PIK3C2A: variants seen among roughly 807,000 people sequenced by gnomAD.
PIK3C2A encodes phosphatidylinositol 4-phosphate 3-kinase C2 domain-containing subunit alpha.
PIK3C2A carries 97 observed loss-of-function variants against 204.5 expected under a neutral mutation model. The ratio of observed to expected loss-of-function variants is 0.47; its 90% CI spans 0.40 to 0.56. The LOEUF is 0.56. Among genes scored for constraint, PIK3C2A ranks in the 20% least tolerant of loss-of-function variants. The pLI, the probability that PIK3C2A is intolerant of heterozygous loss-of-function variation, is 0.00. For missense variants in PIK3C2A, 1,735 were observed against 1,969.2 expected (o/e 0.88, Z 2.25); for synonymous variants, 653 against 664.4 (o/e 0.98, Z 0.26).
chr11:17,133,385 C>T (rs768766991), intron 11 of PIK3C2A, among the ~76,000 whole-genome samples: 1 of 151,884 alleles, frequency 6.6e-6, no homozygotes, highest in African/African-American at 2.4e-5. Flanking sequence ...GGTTTTTTGC[C>T]GCCTTGTACT....
At position 17,145,747 on chromosome 11, in the gene PIK3C2A, G is replaced by A. The variant is rs1224174007; in HGVS notation, c.1641-16C>T. 15 of 1,592,184 alleles carry A rather than the reference G, an allele frequency of 9.4e-6. No homozygotes were observed. The highest frequency in any genetic ancestry group is 3.3e-5 in the Admixed American group (2 of 59,836). On this transcript the variant is annotated splice_polypyrimidine_tract_variant and intron_variant, in intron 7 of 32. Coordinates refer to ENST00000691414, the MANE Select transcript of PIK3C2A (RefSeq NM_002645.4). ...AACAGGGTGTCTGAAAGAAACAACA[G>A]TTATTGTGGCTGAAGGATGCTACAC...
intron 2 of PIK3C2A, among the ~76,000 whole-genome samples, chr11:17,156,838 A>G (rs1446013470): frequency 1.3e-5 from 2 of 152,304 alleles, no homozygotes; most frequent in East Asian, 3.9e-4. Context: ...GAGTTAAGGT[A>G]GACTACTGAA....
In PIK3C2A at chr11:17,197,480, T is replaced by C. The variant is rs369211500; in HGVS notation, c.-66+10368A>G. ...AGTAGTCATTATTCCTGAAGACTAGTAGTCTTCAGCCCTTAGGAGCAACAT... is the reference window on the plus strand; with the variant it reads ...AGTAGTCATTATTCCTGAAGACTAGCAGTCTTCAGCCCTTAGGAGCAACAT... On this transcript the variant is annotated intron_variant, in intron 1 of 32. Transcript: ENST00000691414. Among the ~76,000 whole-genome samples the C allele has an allele frequency of 3.4e-4, 52 of 152,294 alleles. 1 individual carries two copies. In the South Asian group the frequency reaches 0.01, roughly 30 times the overall value.
chr11:17,118,739 C>T lies in PIK3C2A; in HGVS notation c.2941G>A (p.Ala981Thr). The T allele has an allele frequency of 2.1e-6, 3 of 1,458,346 alleles. No individual in the cohort carries two copies. The highest frequency in any genetic ancestry group is 2.9e-6 in the Non-Finnish European group (3 of 1,044,674). 90.3% of individuals were successfully genotyped at this position (1,458,346 alleles called of 1,614,324 possible). A position where few individuals can be genotyped will look rare whatever the true frequency, so the allele number is the denominator to read the frequency against. ...LTDLLPQFVQ[A>T]LKYEIYLNSS... ...TTCAAGTAAATTTCATATTTCAAAG[C>T]CTACAGTAAAAGAAAATAAGAATTA... The change falls in exon 18 of 33, where the codon GCT (alanine) becomes ACT (threonine). Residue 981 changes from alanine to threonine, a missense_variant and splice_region_variant. By Grantham distance (58) the Ala-to-Thr change is moderately conservative. Coordinates refer to ENST00000691414, the MANE Select transcript of PIK3C2A (RefSeq NM_002645.4).
At chr11:17,137,327 T>C (rs1022050993) in intron 8 of PIK3C2A, among the ~76,000 whole-genome samples, 2 of 152,160 alleles carry the variant, frequency 1.3e-5, no homozygotes, top group African/African-American at 4.8e-5. Context: ...CTTATTTGAC[T>C]TATACTTCCT....
chr11:17,149,323 T>C (rs1338233328), intron 4 of PIK3C2A, among the ~76,000 whole-genome samples: 4 of 152,154 alleles, frequency 2.6e-5, no homozygotes, highest in Non-Finnish European at 5.9e-5. Context: ...ATACCTACTA[T>C]GTACCCATAC....
At chr11:17,184,503 T>C (rs1851686605) in intron 1 of PIK3C2A, among the ~76,000 whole-genome samples, 1 of 152,124 alleles carries the variant, frequency 6.6e-6, no homozygotes, top group Non-Finnish European at 1.5e-5. Context: ...TAGCCGCTTG[T>C]AGAATAAGGA....
intron 1 of PIK3C2A, among the ~76,000 whole-genome samples, chr11:17,199,909 A>C (rs1399889956): frequency 1.3e-5 from 2 of 151,544 alleles, no homozygotes; most frequent in Non-Finnish European, 1.5e-5. Context: ...ATCTCAAAAA[A>C]AAAAAAAAAA....
intron 3 of PIK3C2A, 122 bp from the exon 4 acceptor site, chr11:17,150,777 A>C: frequency 1.9e-5 from 10 of 522,314 alleles, no homozygotes; most frequent in Non-Finnish European, 2.8e-5. Flanking sequence ...CAAGCAGCTC[A>C]TGAAACTGCA....
chr11:17,094,698 G>A (rs888611043), intron 27 of PIK3C2A, among the ~76,000 whole-genome samples: 1 of 152,100 alleles, frequency 6.6e-6, no homozygotes, highest in Non-Finnish European at 1.5e-5. Flanking sequence ...TCCAGCCTGG[G>A]CAACAGAGCG....
chr11:17,177,315 T>C (rs1009159353), intron 1 of PIK3C2A, among the ~76,000 whole-genome samples: 1 of 152,220 alleles, frequency 6.6e-6, no homozygotes, highest in Non-Finnish European at 1.5e-5. Flanking sequence ...AAATTTGTAA[T>C]TTCACTGAGG....
chr11:17,176,711 A>T (rs562281967), intron 1 of PIK3C2A, among the ~76,000 whole-genome samples: 1 of 152,168 alleles, frequency 6.6e-6, no homozygotes, highest in East Asian at 1.9e-4. Flanking sequence ...ACTTGAGCCC[A>T]GGTGTTCAAG....
At position 17,124,073 on chromosome 11, in the gene PIK3C2A, C is replaced by T. The variant is rs142948632; in HGVS notation, c.2400-1260G>A. ...TATATGGGGATGGGCCTCACTCTGT[C>T]GCCCTGGTTGGAATGCGCGGTGTGA... is the stretch of plus-strand genomic sequence containing the variant. On this transcript the variant is annotated intron_variant, in intron 13 of 32. Coordinates refer to ENST00000691414, the MANE Select transcript of PIK3C2A (RefSeq NM_002645.4). Among the ~76,000 whole-genome samples, 142 of 152,074 alleles carry T rather than the reference C, an allele frequency of 9.3e-4. 2 individuals carry two copies. In the East Asian group the frequency reaches 0.022, roughly 24 times the overall value.
chr11:17,184,282 A>C (rs1851677986), intron 1 of PIK3C2A, among the ~76,000 whole-genome samples: 1 of 151,746 alleles, frequency 6.6e-6, no homozygotes, highest in Non-Finnish European at 1.5e-5. Flanking sequence ...GAGGTATTTC[A>C]GAAGACGGCA....
At chr11:17,178,028 T>C (rs1383476319) in intron 1 of PIK3C2A, among the ~76,000 whole-genome samples, 1 of 143,432 alleles carries the variant, frequency 7.0e-6, no homozygotes, top group South Asian at 2.2e-4. Flanking sequence ...TGGAGGTGTA[T>C]GTTGCAGTGA....
chr11:17,141,046 AG>A (rs913046897), intron 8 of PIK3C2A, among the ~76,000 whole-genome samples: 4 of 152,156 alleles, frequency 2.6e-5, no homozygotes, highest in Non-Finnish European at 5.9e-5. Context: ...AAAAAAACAA[AG>A]GGAAGTGATA....
intron 27 of PIK3C2A, 85 bp from the exon 28 acceptor site, chr11:17,094,470 T>A: frequency 9.1e-7 from 1 of 1,100,400 alleles, no homozygotes; most frequent in Non-Finnish European, 1.3e-6. Flanking sequence ...ATGCCTGTAA[T>A]CCCAGCACTT....
At position 17,169,236 on chromosome 11, in the gene PIK3C2A, T is replaced by G. The variant is rs1309272419; in HGVS notation, c.506A>C (p.Gln169Pro). The change falls in exon 2 of 33, where the codon CAA (glutamine) becomes CCA (proline). Residue 169 changes from glutamine (Q) to proline (P), a missense_variant. Coordinates refer to ENST00000691414, the MANE Select transcript of PIK3C2A (RefSeq NM_002645.4). ...GGGCATTCTTGGATTGAAGCCATTT[T>G]GGAATGCAGCCTGTTTACTGTAAGT... Reference protein sequence around the residue: ...PSTYSKQAAFQNGFNPRMPTF... With the variant: ...PSTYSKQAAFPNGFNPRMPTF... The G allele has an allele frequency of 1.9e-6, 3 of 1,614,166 alleles. No individual in the cohort carries two copies. The highest frequency in any genetic ancestry group is 2.5e-6 in the Non-Finnish European group (3 of 1,180,022).
intron 1 of PIK3C2A, among the ~76,000 whole-genome samples, chr11:17,205,340 G>A (rs1015167633): frequency 9.2e-5 from 14 of 151,612 alleles, no homozygotes; most frequent in African/African-American, 1.5e-4. Flanking sequence ...TGGGCATAGC[G>A]GCACACGCCT....
Sources: gnomAD v4.1 joint callset for allele counts (sites outside exome capture counted in the v4.1 genomes callset) on GRCh38, gnomAD v4.1.1 for gene constraint, MANE v1.5 for transcripts, NCBI Gene and HGNC (gene_info 2026-07-23, HGNC 2026-07-21) for gene names.